The following MYOCOS variants were observed in gnomAD, a reference collection of about 807,000 sequenced individuals.
MYOCOS encodes the protein myocilin opposite strand, also known as myocilin opposite strand protein.
At chr1:171,626,344 A>T (rs920071623) in intron 2 of MYOCOS, 110 bp from the exon 3 acceptor site, 1 of 392,050 alleles carries the variant, frequency 2.6e-6, no homozygotes, top group Non-Finnish European at 4.5e-6. Context: ...AGCCTCCCAA[A>T]GTGCTGGGAT....
chr1:171,605,591 T>C (rs1383524542), intron 1 of MYOCOS, among the ~76,000 whole-genome samples: 5 of 152,134 alleles, frequency 3.3e-5, no homozygotes, highest in Admixed American at 3.3e-4. Context: ...AGCTGCGTAA[T>C]TGCACCATTA....
upstream of MYOCOS, among the ~76,000 whole-genome samples, chr1:171,620,730 C>T (rs1652546597): frequency 2.6e-5 from 4 of 151,830 alleles, no homozygotes; most frequent in South Asian, 8.3e-4. Context: ...TTTGAGTTGT[C>T]CTGTCTTTCT....
rs1652351373 is a variant in MYOCOS at position 171,611,458 on chromosome 1, A to ATTAC, written c.-251-3338_-251-3335dup. 3.9e-5 allele frequency among the ~76,000 whole-genome samples: 6 copies of ATTAC among 152,250 alleles called. No homozygotes were observed. The South Asian group carries it at 1.2e-3, about 32-fold the overall frequency. On this transcript the variant is annotated intron_variant, in intron 1 of 3. Coordinates refer to the MYOCOS transcript ENST00000636697. ...GAAATGGGCTATTTCAAGTAGTTCT[A>ATTAC]TTACTCATTTGGTCACCTCCCAGGA...
intron 1 of MYOCOS, among the ~76,000 whole-genome samples, chr1:171,602,921 A>G (rs1333031680): frequency 6.6e-6 from 1 of 152,210 alleles, no homozygotes; most frequent in Non-Finnish European, 1.5e-5. Flanking sequence ...AATAGATCAA[A>G]TATTCCATCT....
upstream of MYOCOS, among the ~76,000 whole-genome samples, chr1:171,621,519 G>A (rs1385015522): frequency 2.0e-5 from 3 of 151,774 alleles, no homozygotes; most frequent in Non-Finnish European, 4.4e-5. Context: ...GGGACTACAG[G>A]CACCCGCCAC....
chr1:171,601,483 C>CAA (rs111306486), intron 1 of MYOCOS, among the ~76,000 whole-genome samples: 63 of 131,216 alleles, frequency 4.8e-4, no homozygotes, highest in African/African-American at 1.6e-3. Flanking sequence ...TATTTTGTCT[C>CAA]AAAAAAAAAA....
At chr1:171,615,855 T>C (rs1389361925) in intron 2 of MYOCOS, among the ~76,000 whole-genome samples, 1 of 152,178 alleles carries the variant, frequency 6.6e-6, no homozygotes, top group Non-Finnish European at 1.5e-5. Flanking sequence ...AGCCCTTCCT[T>C]CTACAACTCA....
At chr1:171,621,569 GT>G (rs1484950456), upstream of MYOCOS, among the ~76,000 whole-genome samples, 2 of 151,964 alleles carry the variant, frequency 1.3e-5, no homozygotes, top group Non-Finnish European at 2.9e-5. Context: ...TAGAGACGGG[GT>G]TTCGCCGTGT....
intron 2 of MYOCOS, among the ~76,000 whole-genome samples, chr1:171,625,429 T>G (rs1213390332): frequency 6.6e-6 from 1 of 152,236 alleles, no homozygotes; most frequent in Non-Finnish European, 1.5e-5. Flanking sequence ...GGTAATCACC[T>G]TCTGTCTCAG....
chr1:171,605,220 T>C (rs1049550951), intron 1 of MYOCOS, among the ~76,000 whole-genome samples: 1 of 152,074 alleles, frequency 6.6e-6, no homozygotes, highest in Middle Eastern at 3.2e-3. Flanking sequence ...ACCCAGTTCC[T>C]GATGAATTCC....
At chr1:171,606,626 T>G (rs1652247885) in intron 1 of MYOCOS, among the ~76,000 whole-genome samples, 13 of 152,218 alleles carry the variant, frequency 8.5e-5, no homozygotes, top group Admixed American at 7.2e-4. Context: ...CCCCTGTCAC[T>G]TATCCCCTAG....
chr1:171,614,149 T>C (rs561209549), intron 1 of MYOCOS, among the ~76,000 whole-genome samples: 4 of 152,354 alleles, frequency 2.6e-5, no homozygotes, highest in Non-Finnish European at 5.9e-5. Flanking sequence ...TGCCAAGGGA[T>C]ATTAATGTTC....
upstream of MYOCOS, among the ~76,000 whole-genome samples, chr1:171,618,075 G>T (rs1652483705): frequency 6.6e-6 from 1 of 152,214 alleles, no homozygotes; most frequent in Non-Finnish European, 1.5e-5. Flanking sequence ...CAGAAGAGAA[G>T]GTATCTAGGC....
At chr1:171,623,598 A>G (rs1249783721) in intron 1 of MYOCOS, among the ~76,000 whole-genome samples, 1 of 152,074 alleles carries the variant, frequency 6.6e-6, no homozygotes, top group Non-Finnish European at 1.5e-5. Context: ...GAATAATCAC[A>G]TTTGTTCTAT....
chr1:171,610,132 TCA>T (rs1652330606), intron 1 of MYOCOS, among the ~76,000 whole-genome samples: 1 of 152,198 alleles, frequency 6.6e-6, no homozygotes, highest in African/African-American at 2.4e-5. Context: ...GGACAGCCTA[TCA>T]CTTCTACCAT....
At chr1:171,613,874 G>A (rs1430201294) in intron 1 of MYOCOS, among the ~76,000 whole-genome samples, 2 of 133,002 alleles carry the variant, frequency 1.5e-5, no homozygotes, top group African/African-American at 4.3e-5. Flanking sequence ...CTTTGGCTGT[G>A]GGAAATGAAA....
chr1:171,608,094 A>C (rs1652284323), intron 1 of MYOCOS, among the ~76,000 whole-genome samples: 1 of 152,188 alleles, frequency 6.6e-6, no homozygotes, highest in African/African-American at 2.4e-5. Context: ...CTTATGATTC[A>C]ATTATCTCCC....
At chr1:171,603,275 G>A (rs574382027) in intron 1 of MYOCOS, among the ~76,000 whole-genome samples, 2 of 152,290 alleles carry the variant, frequency 1.3e-5, no homozygotes, top group African/African-American at 2.4e-5. Context: ...GTTCCTCCCC[G>A]AGCAAATGTG....
intron 1 of MYOCOS, among the ~76,000 whole-genome samples, chr1:171,611,710 G>A (rs1000741989): frequency 6.6e-6 from 1 of 152,102 alleles, no homozygotes; most frequent in Non-Finnish European, 1.5e-5. Context: ...TCAGTATATG[G>A]GTTGCAGCAG....
Sources: allele counts gnomAD v4.1 joint callset (sites outside exome capture counted in the v4.1 genomes callset), GRCh38; gene constraint gnomAD v4.1.1; transcripts MANE v1.5; gene names NCBI Gene and HGNC (gene_info 2026-07-23, HGNC 2026-07-21).